RB1: variants seen among roughly 807,000 people sequenced by gnomAD.
RB1 encodes RB transcriptional corepressor 1, also known as retinoblastoma-associated protein.
RB1 carries 18 observed loss-of-function variants against 135.4 expected under a neutral mutation model. The observed-to-expected ratio is 0.13, with a 90% CI of 0.09 to 0.20. RB1 has a LOEUF of 0.20. Among genes scored for constraint, RB1 ranks in the 10% least tolerant of loss-of-function variants. The pLI is 1.00. For missense variants in RB1, 868 were observed against 1,110.0 expected (o/e 0.78, Z 3.10); for synonymous variants, 365 against 373.2 (o/e 0.98, Z 0.25).
At chr13:48,373,708 A>G (rs1211059652) in intron 12 of RB1, among the ~76,000 whole-genome samples, 1 of 151,966 alleles carries the variant, frequency 6.6e-6, no homozygotes, top group South Asian at 2.1e-4. Context: ...ATGTTTACCT[A>G]TTTGCCTTGC....
intron 20 of RB1, 119 bp from the exon 21 acceptor site, chr13:48,463,612 G>GA: frequency 1.4e-6 from 1 of 706,502 alleles, no homozygotes; most frequent in South Asian, 1.6e-5. Flanking sequence ...AGTATGGAAA[G>GA]AAATAACTCT....
At chr13:48,416,067 C>T (rs1210774707) in intron 17 of RB1, among the ~76,000 whole-genome samples, 2 of 152,132 alleles carry the variant, frequency 1.3e-5, no homozygotes, top group Admixed American at 6.5e-5. Context: ...TGGAACTTAA[C>T]TCTGAGAATC....
chr13:48,411,440 A>T, intron 17 of RB1: 1 of 1,613,342 alleles, frequency 6.2e-7, no homozygotes. Flanking sequence ...TCTGTAGGTT[A>T]TGCTGAATAA....
intron 17 of RB1, among the ~76,000 whole-genome samples, chr13:48,404,942 G>T (rs1948726690): frequency 6.6e-6 from 1 of 152,062 alleles, no homozygotes. Flanking sequence ...AGGAATACTG[G>T]ATATTTTATA....
chr13:48,406,894 A>AAAAC (rs145038330), intron 17 of RB1, among the ~76,000 whole-genome samples: 8,559 of 152,100 alleles, frequency 0.056, 778 homozygotes, highest in African/African-American at 0.19. Flanking sequence ...TCTTTCTATT[A>AAAAC]AAACAAACAA....
Position 48,476,827 on chromosome 13 carries a change from G to A in RB1, c.2647G>A (p.Asp883Asn), listed in dbSNP as rs575278710. 6.2e-7 allele frequency: 1 copy of A among 1,613,642 alleles called. No homozygotes were observed. The highest frequency in any genetic ancestry group is 1.7e-5 in the Admixed American group (1 of 60,008). Residue 883 changes from aspartate to asparagine, a missense_variant, in exon 25 of 27, where the codon GAT becomes AAT. By Grantham distance (23) the Asp-to-Asn change is conservative. Around this residue, in one of 3 missense-constraint regions of RB1, gnomAD observed 196 missense variants for 239.8 expected, o/e 0.82. Transcript: ENST00000267163. ...ACTACGCTTTGATATTGAAGGATCA[G>A]ATGAAGCAGATGGAAGGTAGGAACC... ...KKLRFDIEGS[D>N]EADGSKHLPG...
In RB1 at chr13:48,480,849, CCATT is replaced by C. The variant is rs1254673091; in HGVS notation, c.*781_*784del. The C allele has an allele frequency of 4.4e-6, 1 of 227,200 alleles. No homozygotes were observed. Among genetic ancestry groups the C allele is most frequent in the African/African-American group, 2.2e-5 (1 of 45,018 alleles). The allele number at this position is 227,200 out of a possible 1,614,324, so 14.1% of individuals were successfully genotyped here. A position where few individuals can be genotyped will look rare whatever the true frequency, so the allele number is the denominator to read the frequency against. On this transcript the variant is annotated 3_prime_UTR_variant, in exon 27 of 27. Coordinates refer to ENST00000267163, the MANE Select transcript of RB1 (RefSeq NM_000321.3). Reference sequence around the variant, plus strand: ...ATTGATAGTACTCTTGGTTTTTATACCATTCAGATCACTGAATTTATAAAGTACC... The same window carrying C: ...ATTGATAGTACTCTTGGTTTTTATACCAGATCACTGAATTTATAAAGTACC...
chr13:48,418,396 A>C (rs1246264551), intron 17 of RB1, among the ~76,000 whole-genome samples: 1 of 152,230 alleles, frequency 6.6e-6, no homozygotes, highest in Non-Finnish European at 1.5e-5. Flanking sequence ...AAATATGGAA[A>C]GGAAAAATTG....
chr13:48,433,682 A>AT (rs10665957), intron 17 of RB1, among the ~76,000 whole-genome samples: 8,247 of 146,752 alleles, frequency 0.056, 404 homozygotes, highest in East Asian at 0.15. Flanking sequence ...ACAAAAATGC[A>AT]TTTTTTTTTT....
intron 24 of RB1, chr13:48,476,312 A>G (rs1001993218): frequency 4.5e-6 from 1 of 222,790 alleles, no homozygotes; most frequent in African/African-American, 2.3e-5. Flanking sequence ...CTGGTTGTAT[A>G]ATAGCCTAAA....
intron 17 of RB1, among the ~76,000 whole-genome samples, chr13:48,386,762 G>A (rs529421287): frequency 9.9e-5 from 15 of 152,230 alleles, no homozygotes; most frequent in African/African-American, 2.6e-4. Flanking sequence ...TGATGAAATC[G>A]GTGGTGATAT....
chr13:48,326,243 C>G (rs1332208337), intron 2 of RB1, among the ~76,000 whole-genome samples: 1 of 151,982 alleles, frequency 6.6e-6, no homozygotes, highest in African/African-American at 2.4e-5. Flanking sequence ...CAAACAGTAT[C>G]CAAAATTATC....
At chr13:48,443,709 T>A (rs940256588) in intron 17 of RB1, among the ~76,000 whole-genome samples, 1 of 152,358 alleles carries the variant, frequency 6.6e-6, no homozygotes, top group Admixed American at 6.5e-5. Flanking sequence ...CATTTCATAC[T>A]AAGATTGTGC....
chr13:48,399,392 T>C (rs1948673541), intron 17 of RB1, among the ~76,000 whole-genome samples: 1 of 151,894 alleles, frequency 6.6e-6, no homozygotes, highest in Non-Finnish European at 1.5e-5. Flanking sequence ...GAACTAATAA[T>C]CTACAAAAAT....
intron 6 of RB1, among the ~76,000 whole-genome samples, chr13:48,350,629 G>C (rs774400963): frequency 1.3e-5 from 2 of 152,044 alleles, no homozygotes; most frequent in Non-Finnish European, 2.9e-5. Flanking sequence ...TTGTTACATA[G>C]GTAAACTTGT....
intron 17 of RB1, chr13:48,412,681 T>C (rs1395512234): frequency 1.9e-6 from 1 of 520,726 alleles, no homozygotes; most frequent in Non-Finnish European, 3.6e-6. Context: ...ATTCCAAGGC[T>C]CAGTTAACTG....
At chr13:48,321,277 T>C (rs1346573557) in intron 2 of RB1, among the ~76,000 whole-genome samples, 1 of 151,646 alleles carries the variant, frequency 6.6e-6, no homozygotes, top group Non-Finnish European at 1.5e-5. Flanking sequence ...CACATATAAA[T>C]GAGGCAATAA....
chr13:48,316,712 A>G (rs975366568), intron 2 of RB1, among the ~76,000 whole-genome samples: 1 of 136,380 alleles, frequency 7.3e-6, no homozygotes, highest in Non-Finnish European at 1.6e-5. Context: ...CTGCAACCAC[A>G]GAACCATCAC....
intron 17 of RB1, among the ~76,000 whole-genome samples, chr13:48,390,292 G>A (rs1948601068): frequency 6.6e-6 from 1 of 152,208 alleles, no homozygotes; most frequent in Non-Finnish European, 1.5e-5. Context: ...GTAACAATGA[G>A]AATGAAAGTG....
Sources: gnomAD v4.1 joint callset for allele counts (sites outside exome capture counted in the v4.1 genomes callset) on GRCh38, gnomAD v4.1.1 for gene constraint, gnomAD v4.1.1 regional missense constraint, MANE v1.5 for transcripts, NCBI Gene and HGNC (gene_info 2026-07-23, HGNC 2026-07-21) for gene names.